Variants in BMP2K observed in about 807,000 individuals in gnomAD.
BMP2K encodes BMP-2-inducible protein kinase.
In BMP2K, 74 loss-of-function variants were observed where a neutral mutation model predicts 116.0. The observed-to-expected ratio is 0.64, with a 90% confidence interval of 0.53 to 0.77. The LOEUF (loss-of-function observed/expected upper bound fraction) is 0.77. Among genes scored for constraint, BMP2K ranks in the 30% least tolerant of loss-of-function variants. The probability of loss-of-function intolerance (pLI) is 0.00; values close to 1 mark genes in which losing one functional copy is unlikely to be tolerated. For missense variants in BMP2K, 1,365 were observed against 1,403.6 expected (o/e 0.97, Z 0.44); for synonymous variants, 486 against 502.5 (o/e 0.97, Z 0.44).
Position 78,842,380 on chromosome 4 carries a change from G to T in BMP2K, c.404-5G>T. On this transcript the variant is annotated splice_region_variant and splice_polypyrimidine_tract_variant and intron_variant, in intron 3 of 15. Transcript: ENST00000502613. ...ATGTCCTCTCAAAATTACTTTTTTG[G>T]TTAGCTGGACAGGTAGTGAATCAAA... 3.2e-6 allele frequency: 5 copies of T among 1,567,178 alleles called. No individual in the cohort carries two copies. The South Asian group carries it at 4.7e-5, about 15-fold the overall frequency.
chr4:78,825,203 T>TACAAAACAAAAAAAAA (rs1729812507), intron 1 of BMP2K, among the ~76,000 whole-genome samples: 1 of 151,866 alleles, frequency 6.6e-6, no homozygotes, highest in Non-Finnish European at 1.5e-5. Flanking sequence ...AAACTCCATC[T>TACAAAACAAAAAAAAA]CAAAAACAAA....
intron 7 of BMP2K, among the ~76,000 whole-genome samples, chr4:78,851,631 G>T (rs1228463966): frequency 1.3e-5 from 2 of 152,064 alleles, no homozygotes; most frequent in Non-Finnish European, 2.9e-5. Context: ...ATAGAAAAGA[G>T]AGAAATAGAA....
chr4:78,889,063 T>G (rs1254236877), intron 15 of BMP2K, among the ~76,000 whole-genome samples: 1 of 151,630 alleles, frequency 6.6e-6, no homozygotes, highest in African/African-American at 2.4e-5. Flanking sequence ...CTACTAAAAA[T>G]ACAAAAAATC....
At chr4:78,858,782 A>ATAAT (rs1731625186) in intron 7 of BMP2K, among the ~76,000 whole-genome samples, 1 of 107,860 alleles carries the variant, frequency 9.3e-6, no homozygotes, top group Non-Finnish European at 1.6e-5. Flanking sequence ...ATAACAACTT[A>ATAAT]GAGTTAATGA....
At position 78,910,773 on chromosome 4, in the gene BMP2K, T is replaced by G; in HGVS notation, c.2226T>G (p.Ser742Arg). 1 of 1,613,796 alleles carries G rather than the reference T, an allele frequency of 6.2e-7. No homozygotes were observed. The highest frequency in any genetic ancestry group is 8.5e-7 in the Non-Finnish European group (1 of 1,179,846). Residue 742 changes from serine (S) to arginine (R), a missense_variant, in exon 16 of 16, where the codon AGT (serine) becomes AGG (arginine). Physicochemically the swap from Ser to Arg is moderately radical, Grantham distance 110. Transcript: ENST00000502613. The part of the protein sequence containing the change: ...QVQKGNDESE[S>R]DFESDPPSPK... ...AAAAGGGGAATGATGAATCTGAAAG[T>G]GATTTTGAATCAGATCCCCCTTCTC...
intron 1 of BMP2K, among the ~76,000 whole-genome samples, chr4:78,795,118 T>C (rs1156664726): frequency 6.6e-6 from 1 of 152,228 alleles, no homozygotes; most frequent in Non-Finnish European, 1.5e-5. Context: ...CCAAACATAA[T>C]TTCTTCATTA....
chr4:78,898,019 C>T (rs1733794296), intron 15 of BMP2K, among the ~76,000 whole-genome samples: 1 of 152,112 alleles, frequency 6.6e-6, no homozygotes, highest in South Asian at 2.1e-4. Context: ...AGGAAAGCTT[C>T]ATGAGAAAGA....
At chr4:78,812,737 A>G (rs1560511065) in intron 1 of BMP2K, among the ~76,000 whole-genome samples, 1 of 152,318 alleles carries the variant, frequency 6.6e-6, no homozygotes, top group South Asian at 2.1e-4. Context: ...AGTGCTGTTA[A>G]TCTGGCTAAG....
At chr4:78,778,572 C>A (rs1365710273) in intron 1 of BMP2K, among the ~76,000 whole-genome samples, 1 of 152,178 alleles carries the variant, frequency 6.6e-6, no homozygotes, top group Non-Finnish European at 1.5e-5. Context: ...AGAAGGGAGG[C>A]CAAGGCCTAG....
chr4:78,885,991 T>C (rs915134032), intron 14 of BMP2K, among the ~76,000 whole-genome samples: 3 of 152,190 alleles, frequency 2.0e-5, no homozygotes, highest in Non-Finnish European at 2.9e-5. Context: ...TTGACTGTTA[T>C]AGAATATTGT....
intron 14 of BMP2K, 94 bp from the exon 15 acceptor site, chr4:78,887,076 TTTAA>T: frequency 1.2e-6 from 1 of 848,880 alleles, no homozygotes. Context: ...AGGCTGGTGC[TTTAA>T]TTTTCACTTT....
At chr4:78,873,999 G>A (rs1026406029) in intron 13 of BMP2K, among the ~76,000 whole-genome samples, 6 of 152,202 alleles carry the variant, frequency 3.9e-5, no homozygotes, top group South Asian at 2.1e-4. Context: ...CCAACATGGT[G>A]AAACCTCATC....
chr4:78,840,158 T>C (rs532934375), intron 3 of BMP2K, among the ~76,000 whole-genome samples: 2 of 152,246 alleles, frequency 1.3e-5, no homozygotes, highest in African/African-American at 4.8e-5. Flanking sequence ...ATTAGAAAAA[T>C]GTTGCTTTTT....
At chr4:78,844,813 T>A (rs2110025152) in intron 4 of BMP2K, 115 bp from the exon 5 acceptor site, 1 of 851,204 alleles carries the variant, frequency 1.2e-6, no homozygotes, top group East Asian at 2.6e-5. Context: ...TACCCTTCGG[T>A]GTTTATTGTG....
At chr4:78,802,020 T>C (rs1438439085) in intron 1 of BMP2K, among the ~76,000 whole-genome samples, 1 of 152,224 alleles carries the variant, frequency 6.6e-6, no homozygotes, top group African/African-American at 2.4e-5. Flanking sequence ...CTCTCTCCTT[T>C]AGTGAAGGCC....
intron 13 of BMP2K, among the ~76,000 whole-genome samples, chr4:78,874,211 G>A (rs779993058): frequency 6.6e-6 from 1 of 151,522 alleles, no homozygotes; most frequent in African/African-American, 2.4e-5. Context: ...AAAAAGTTCA[G>A]ATCAGTATTT....
At position 78,822,650 on chromosome 4, in the gene BMP2K, A is replaced by G. The variant is rs138189237; in HGVS notation, c.179-3387A>G. ...ATAATTTCATGTTTGGAATTATAAC[A>G]TTTAGCATTAATGTAACAACTATGC... On this transcript the variant is annotated intron_variant, in intron 1 of 15. Transcript: ENST00000502613. Among the ~76,000 whole-genome samples the G allele has an allele frequency of 2.2e-4, 34 of 152,252 alleles. 1 individual carries two copies. Among genetic ancestry groups the G allele is most frequent in the African/African-American group, 8.2e-4 (34 of 41,562 alleles).
At chr4:78,841,370 A>G (rs1482265707) in intron 3 of BMP2K, among the ~76,000 whole-genome samples, 1 of 152,204 alleles carries the variant, frequency 6.6e-6, no homozygotes, top group Non-Finnish European at 1.5e-5. Flanking sequence ...CATTCTTAAA[A>G]TATGATGATT....
At chr4:78,794,709 T>C (rs1728169643) in intron 1 of BMP2K, among the ~76,000 whole-genome samples, 1 of 152,172 alleles carries the variant, frequency 6.6e-6, no homozygotes, top group South Asian at 2.1e-4. Context: ...ACCACAGGCA[T>C]GTGCCACTGC....
Sources: gnomAD v4.1 joint callset for allele counts (sites outside exome capture counted in the v4.1 genomes callset) on GRCh38, gnomAD v4.1.1 for gene constraint, MANE v1.5 for transcripts, NCBI Gene and HGNC (gene_info 2026-07-23, HGNC 2026-07-21) for gene names.